C10orf90: variants seen among roughly 807,000 people sequenced by gnomAD.
C10orf90 encodes (E2-independent) E3 ubiquitin-conjugating enzyme FATS.
A neutral mutation model predicts 62.5 loss-of-function variants in C10orf90; 56 were observed. That is an observed-to-expected ratio of 0.90 (90% CI 0.72 to 1.12). The LOEUF (loss-of-function observed/expected upper bound fraction) is 1.12. C10orf90 is among the 50% of genes most tolerant of loss of function. The pLI is 0.00. For synonymous variants in C10orf90, 386 were observed against 340.4 expected (o/e 1.13, Z -1.47); for missense variants, 970 against 880.4 (o/e 1.10, Z -1.29).
At chr10:126,596,302 C>CA (rs144157995) in intron 2 of C10orf90, among the ~76,000 whole-genome samples, 16,635 of 147,474 alleles carry the variant, frequency 0.11, 1,657 homozygotes, top group African/African-American at 0.25. Flanking sequence ...ATCCTTGTCT[C>CA]AAAAAAAAGT....
chr10:126,604,635 T>C (rs982288914), intron 2 of C10orf90, among the ~76,000 whole-genome samples: 1 of 152,092 alleles, frequency 6.6e-6, no homozygotes, highest in Admixed American at 6.5e-5. Context: ...TCAGGAGCCA[T>C]AGAGTGAGAC....
At chr10:126,579,081 AAC>A (rs1844689018) in intron 2 of C10orf90, among the ~76,000 whole-genome samples, 1 of 151,772 alleles carries the variant, frequency 6.6e-6, no homozygotes, top group Admixed American at 6.6e-5. Context: ...TAAAAAAAAA[AAC>A]CTATCAGCTC....
chr10:126,484,346 C>T (rs1457583181), intron 4 of C10orf90, among the ~76,000 whole-genome samples: 5 of 152,000 alleles, frequency 3.3e-5, no homozygotes, highest in South Asian at 4.2e-4. Context: ...CCCTATACAC[C>T]GACTCAAATG....
intron 2 of C10orf90, among the ~76,000 whole-genome samples, chr10:126,525,967 A>T (rs868075975): frequency 2.0e-5 from 3 of 151,618 alleles, no homozygotes; most frequent in South Asian, 2.1e-4. Context: ...GTCCTCTTAA[A>T]TGGGTAGGCA....
rs193040085 is a variant in C10orf90, at chr10:126,583,929, G to A, written c.313+62636C>T. 5.9e-5 allele frequency among the ~76,000 whole-genome samples: 9 copies of A among 152,202 alleles called. No homozygotes were observed. In the East Asian group the frequency reaches 1.5e-3, roughly 26 times the overall value. On this transcript the variant is annotated intron_variant, in intron 2 of 9. Coordinates refer to ENST00000488181, the MANE Select transcript of C10orf90 (RefSeq NM_001350921.2). ...CCAGGAGTCTGAGACTAGCCTTGGT[G>A]ATGTAGAGAGACCTCATCTCTACTT...
Position 126,456,465 on chromosome 10 carries a change from C to A in C10orf90, c.2188+2575G>T, listed in dbSNP as rs903391990. Among the ~76,000 whole-genome samples, 3 of 152,120 alleles carry A rather than the reference C, an allele frequency of 2.0e-5. No homozygotes were observed. Among genetic ancestry groups the A allele is most frequent in the Non-Finnish European group, 4.4e-5 (3 of 68,040 alleles). On this transcript the variant is annotated intron_variant, in intron 7 of 9. Transcript: ENST00000488181. The surrounding 1 kb of genome is among the most constrained non-coding windows in gnomAD (Gnocchi z 4.9). The stretch of plus-strand genomic sequence containing the variant: ...AACATTCTGAACTGAGCCTGGTTAC[C>A]TTTTATTACATACAATTTTAAGACT...
chr10:126,634,120 C>T (rs1166656513), intron 2 of C10orf90, among the ~76,000 whole-genome samples: 1 of 152,184 alleles, frequency 6.6e-6, no homozygotes, highest in Non-Finnish European at 1.5e-5. Context: ...CCAGCAATCC[C>T]ACTTCTAGGT....
intron 7 of C10orf90, among the ~76,000 whole-genome samples, chr10:126,448,190 C>T (rs1858922784): frequency 6.6e-6 from 1 of 151,840 alleles, no homozygotes; most frequent in South Asian, 2.1e-4. Flanking sequence ...TATCTTTTCT[C>T]ATCACAATGG....
chr10:126,623,343 C>G (rs900435767), intron 2 of C10orf90, among the ~76,000 whole-genome samples: 4 of 152,182 alleles, frequency 2.6e-5, no homozygotes, highest in Non-Finnish European at 5.9e-5. Context: ...AGAGTTTTGT[C>G]TTCTCCAAAT....
chr10:126,566,952 G>A (rs2133998797), intron 2 of C10orf90, among the ~76,000 whole-genome samples: 1 of 152,202 alleles, frequency 6.6e-6, no homozygotes, highest in South Asian at 2.1e-4. Flanking sequence ...GGGGCAAGAG[G>A]AGAGGAAGTG....
intron 2 of C10orf90, among the ~76,000 whole-genome samples, chr10:126,642,294 A>T (rs745970603): frequency 6.6e-5 from 10 of 152,144 alleles, no homozygotes; most frequent in Non-Finnish European, 1.5e-4. Context: ...GCACTTTGGG[A>T]GGCCAAGGTG....
chr10:126,605,914 T>TACA (rs1564889730), intron 2 of C10orf90, among the ~76,000 whole-genome samples: 5 of 151,948 alleles, frequency 3.3e-5, no homozygotes, highest in Non-Finnish European at 7.4e-5. Flanking sequence ...CATACATACA[T>TACA]TTGATTGCAG....
chr10:126,466,043 T>C (rs1860266535), intron 4 of C10orf90, among the ~76,000 whole-genome samples: 1 of 152,118 alleles, frequency 6.6e-6, no homozygotes. Context: ...TTGATTTTTT[T>C]AAACCTCTTT....
chr10:126,576,251 A>G (rs1448927150), intron 2 of C10orf90, among the ~76,000 whole-genome samples: 1 of 152,068 alleles, frequency 6.6e-6, no homozygotes, highest in Non-Finnish European at 1.5e-5. Context: ...TGATTTAAAA[A>G]TGGGCAAATG....
intron 1 of C10orf90, among the ~76,000 whole-genome samples, chr10:126,650,037 C>T (rs374418258): frequency 9.2e-5 from 14 of 152,000 alleles, no homozygotes; most frequent in African/African-American, 2.4e-4. Flanking sequence ...GCAGAGTTCC[C>T]GATCAAGGTC....
chr10:126,659,055 G>A (rs1464374722), intron 1 of C10orf90, among the ~76,000 whole-genome samples: 2 of 152,148 alleles, frequency 1.3e-5, no homozygotes, highest in African/African-American at 2.4e-5. Flanking sequence ...GTGGCTGCAC[G>A]CATTGGGAAC....
intron 2 of C10orf90, among the ~76,000 whole-genome samples, chr10:126,640,163 C>T (rs573863297): frequency 6.6e-6 from 1 of 152,348 alleles, no homozygotes; most frequent in East Asian, 1.9e-4. Context: ...TCCACCACCG[C>T]TGTGCACGGC....
At chr10:126,663,913 G>A (rs896130622) in intron 1 of C10orf90, among the ~76,000 whole-genome samples, 1 of 152,116 alleles carries the variant, frequency 6.6e-6, no homozygotes, top group Admixed American at 6.5e-5. Flanking sequence ...CCATAAGATG[G>A]TAAAACCCCA....
Position 126,583,880 on chromosome 10 carries a change from C to T in C10orf90, c.313+62685G>A, listed in dbSNP as rs578042514. ...CCTATAATCCCAGCGTTTTGGGAGG[C>T]CGTGGTGGGAGGGTTGCTTGAGCCC... On this transcript the variant is annotated intron_variant, in intron 2 of 9. Coordinates refer to ENST00000488181, the MANE Select transcript of C10orf90 (RefSeq NM_001350921.2). Among the ~76,000 whole-genome samples, 3 of 152,192 alleles carry T rather than the reference C, an allele frequency of 2.0e-5. No individual in the cohort carries two copies. In the East Asian group the frequency reaches 5.8e-4, roughly 29 times the overall value.
Sources: allele counts gnomAD v4.1 joint callset (sites outside exome capture counted in the v4.1 genomes callset), GRCh38; gene constraint gnomAD v4.1.1; non-coding constraint Gnocchi (gnomAD v3.1); transcripts MANE v1.5; gene names NCBI Gene and HGNC (gene_info 2026-07-23, HGNC 2026-07-21).